LRRTM4: variants seen among roughly 807,000 people sequenced by gnomAD.
The protein encoded by LRRTM4 is leucine-rich repeat transmembrane neuronal protein 4.
In LRRTM4, 25 loss-of-function variants were observed where a neutral mutation model predicts 47.6. The observed-to-expected ratio is 0.53, with a 90% CI of 0.38 to 0.73. LRRTM4 has a LOEUF of 0.73. Among genes scored for constraint, LRRTM4 ranks in the 30% least tolerant of loss-of-function variants. The pLI is 0.00. For missense variants in LRRTM4, 638 were observed against 713.4 expected, an observed-to-expected ratio of 0.89 and a Z score of 1.20; for synonymous variants, 311 against 269.5, an observed-to-expected ratio of 1.15 and a Z score of -1.51.
intron 3 of LRRTM4, among the ~76,000 whole-genome samples, chr2:76,937,075 GCAT>G (rs1291523699): frequency 6.8e-6 from 1 of 147,156 alleles, no homozygotes; most frequent in Non-Finnish European, 1.5e-5. Context: ...CCTTTAATAA[GCAT>G]CATCTGAGGG....
chr2:77,434,246 A>G (rs1434465555), intron 3 of LRRTM4, among the ~76,000 whole-genome samples: 1 of 64,280 alleles, frequency 1.6e-5, no homozygotes, highest in South Asian at 5.5e-4. Flanking sequence ...CCAGATTGGG[A>G]AAAAAAAAAA....
At chr2:77,282,167 A>T (rs912573938) in intron 3 of LRRTM4, among the ~76,000 whole-genome samples, 1 of 151,770 alleles carries the variant, frequency 6.6e-6, no homozygotes, top group African/African-American at 2.4e-5. Context: ...CCTTGGTTAG[A>T]TTTATTCCTG....
At chr2:77,088,278 T>C (rs997382950) in intron 3 of LRRTM4, among the ~76,000 whole-genome samples, 1 of 152,172 alleles carries the variant, frequency 6.6e-6, no homozygotes, top group African/African-American at 2.4e-5. Flanking sequence ...CTTGCACGTA[T>C]ACGCCCAGAT....
rs548873723 is a variant in LRRTM4 at position 76,900,318 on chromosome 2, T to C, written c.1552-151402A>G. 9.7e-5 allele frequency among the ~76,000 whole-genome samples: 14 copies of C among 144,968 alleles called. No homozygotes were observed. In the South Asian group the frequency reaches 1.1e-3, roughly 12 times the overall value. ...ATAGAGTGTGGGATACTGATATATA[T>C]AGTTTTTTGTAGATAAAAATATGAA... On this transcript the variant is annotated intron_variant, in intron 3 of 3. Transcript: ENST00000409884.
At chr2:76,990,563 A>G (rs1676967969) in intron 3 of LRRTM4, among the ~76,000 whole-genome samples, 1 of 151,818 alleles carries the variant, frequency 6.6e-6, no homozygotes, top group Admixed American at 6.6e-5. Flanking sequence ...TGGGCATTAC[A>G]TAATGACAAA....
intron 3 of LRRTM4, among the ~76,000 whole-genome samples, chr2:77,169,396 A>G (rs1455013379): frequency 6.6e-6 from 1 of 152,032 alleles, no homozygotes; most frequent in Non-Finnish European, 1.5e-5. Context: ...TTGGTGGATT[A>G]TTTTCACAGT....
intron 3 of LRRTM4, among the ~76,000 whole-genome samples, chr2:77,341,658 T>C (rs552984864): frequency 6.6e-6 from 1 of 152,188 alleles, no homozygotes; most frequent in African/African-American, 2.4e-5. Flanking sequence ...AAAAAATTAA[T>C]GCCCTTGCAA....
chr2:77,294,373 T>A (rs1386673722), intron 3 of LRRTM4, among the ~76,000 whole-genome samples: 1 of 152,098 alleles, frequency 6.6e-6, no homozygotes, highest in Non-Finnish European at 1.5e-5. Flanking sequence ...AAAATTAGAA[T>A]TTACCTAATA....
chr2:76,795,414 A>AT lies in LRRTM4; in HGVS notation c.1552-46499dup, dbSNP rs544350573. 3.8e-4 allele frequency among the ~76,000 whole-genome samples: 49 copies of AT among 128,212 alleles called. 3 individuals carry two copies. The South Asian group carries it at 8.1e-3, about 21-fold the overall frequency. The allele number at this position is 128,212 out of a possible 152,430, so 84.1% of individuals were successfully genotyped here. ...AAAAGTCTATACTGAACATGTAAAG[A>AT]TTTTTTACTGTCATTATTTCCTAAA... On this transcript the variant is annotated intron_variant, in intron 3 of 3. Transcript: ENST00000409884.
At chr2:77,234,814 G>T (rs1264813811) in intron 3 of LRRTM4, among the ~76,000 whole-genome samples, 7 of 152,052 alleles carry the variant, frequency 4.6e-5, no homozygotes, top group Non-Finnish European at 1.0e-4. Flanking sequence ...TAGGTATATT[G>T]TGTGATTCTG....
chr2:77,351,398 A>T (rs1671765735), intron 3 of LRRTM4, among the ~76,000 whole-genome samples: 1 of 151,946 alleles, frequency 6.6e-6, no homozygotes, highest in East Asian at 1.9e-4. Flanking sequence ...AATGATGTTT[A>T]TTGCAGTATT....
intron 3 of LRRTM4, among the ~76,000 whole-genome samples, chr2:77,333,247 G>A (rs1671036849): frequency 6.6e-6 from 1 of 152,108 alleles, no homozygotes; most frequent in Non-Finnish European, 1.5e-5. Context: ...TACCAGGAGT[G>A]GGGTTCTTCT....
chr2:76,844,930 G>A (rs1181565156), intron 3 of LRRTM4, among the ~76,000 whole-genome samples: 1 of 152,084 alleles, frequency 6.6e-6, no homozygotes, highest in Non-Finnish European at 1.5e-5. Flanking sequence ...GCGGTAATGT[G>A]ACAGTCTGAA....
intron 3 of LRRTM4, among the ~76,000 whole-genome samples, chr2:77,190,767 C>T: frequency 6.6e-6 from 1 of 152,022 alleles, no homozygotes; most frequent in East Asian, 1.9e-4. Context: ...TTTGTAAATG[C>T]ATACAAAGCA....
At chr2:77,005,343 C>T (rs2104041133) in intron 3 of LRRTM4, among the ~76,000 whole-genome samples, 1 of 152,270 alleles carries the variant, frequency 6.6e-6, no homozygotes, top group East Asian at 1.9e-4. Flanking sequence ...CAGGGTTTCA[C>T]CATCTTGGTC....
At chr2:76,888,057 GTGTT>G (rs1394344525) in intron 3 of LRRTM4, among the ~76,000 whole-genome samples, 1 of 149,622 alleles carries the variant, frequency 6.7e-6, no homozygotes, top group East Asian at 2.0e-4. Flanking sequence ...ACATATATGT[GTGTT>G]TGTATATATA....
chr2:76,845,617 A>G (rs577642717), intron 3 of LRRTM4, among the ~76,000 whole-genome samples: 12 of 152,274 alleles, frequency 7.9e-5, no homozygotes, highest in Non-Finnish European at 5.9e-5. Context: ...CACTAAAAAT[A>G]TATTCTTCTG....
chr2:77,195,394 C>T (rs557533146), intron 3 of LRRTM4, among the ~76,000 whole-genome samples: 39 of 152,028 alleles, frequency 2.6e-4, no homozygotes, highest in Non-Finnish European at 4.6e-4. Flanking sequence ...AATTTTAAAA[C>T]CTAAGCACTT....
intron 3 of LRRTM4, among the ~76,000 whole-genome samples, chr2:77,269,759 T>G (rs1196264455): frequency 6.6e-6 from 1 of 152,224 alleles, no homozygotes; most frequent in Non-Finnish European, 1.5e-5. Flanking sequence ...ATGCTTGTTT[T>G]GCATATGTTT....
Sources: allele counts gnomAD v4.1 joint callset (sites outside exome capture counted in the v4.1 genomes callset), GRCh38; gene constraint gnomAD v4.1.1; transcripts MANE v1.5; gene names NCBI Gene and HGNC (gene_info 2026-07-23, HGNC 2026-07-21).